CDH13: variants seen among roughly 807,000 people sequenced by gnomAD.
The protein encoded by CDH13 is cadherin-13.
A neutral mutation model predicts 63.8 loss-of-function variants in CDH13; 24 were observed. That is an observed-to-expected ratio of 0.38 (90% confidence interval 0.27 to 0.53). The LOEUF (loss-of-function observed/expected upper bound fraction) is 0.53. Among genes scored for constraint, CDH13 ranks in the 20% least tolerant of loss-of-function variants. The pLI is 0.85. For missense variants in CDH13, 1,049 were observed against 903.1 expected (o/e 1.16, Z -2.07); for synonymous variants, 503 against 355.3 (o/e 1.42, Z -4.67).
rs372117106 is a variant in CDH13 at position 82,656,052 on chromosome 16, G to A, written c.45+28915G>A. Among the ~76,000 whole-genome samples the A allele has an allele frequency of 2.8e-4, 43 of 152,170 alleles. 2 individuals carry two copies. The highest frequency in any genetic ancestry group is 2.1e-3 in the East Asian group (11 of 5,190). On this transcript the variant is annotated intron_variant, in intron 1 of 13. Coordinates refer to ENST00000567109, the MANE Select transcript of CDH13 (RefSeq NM_001257.5). ...GTGCAAGGCAGAAAATGCTGGTCTA[G>A]CAAAAGGAACTCTGATTTCGATTTG...
intron 6 of CDH13, among the ~76,000 whole-genome samples, chr16:83,393,441 G>T (rs1020015111): frequency 6.6e-6 from 1 of 152,130 alleles, no homozygotes; most frequent in African/African-American, 2.4e-5. Flanking sequence ...GGAGAAGCCA[G>T]CCCAGAATTT....
intron 7 of CDH13, among the ~76,000 whole-genome samples, chr16:83,575,209 T>C (rs561852422): frequency 1.2e-4 from 19 of 152,334 alleles, no homozygotes; most frequent in Middle Eastern, 3.4e-3. Context: ...GATGAAAATG[T>C]TCTAAAATCA....
chr16:83,494,054 A>G (rs1294235996), intron 7 of CDH13, among the ~76,000 whole-genome samples: 2 of 152,206 alleles, frequency 1.3e-5, no homozygotes, highest in Non-Finnish European at 2.9e-5. Flanking sequence ...TACTGGGCAC[A>G]TGTTGAATCA....
chr16:82,716,433 C>T (rs12930688), intron 1 of CDH13, among the ~76,000 whole-genome samples: 1 of 151,640 alleles, frequency 6.6e-6, no homozygotes, highest in African/African-American at 2.4e-5. Context: ...TGTAACACAT[C>T]TGCTAAATTT....
At chr16:83,567,396 A>G (rs1462974441) in intron 7 of CDH13, among the ~76,000 whole-genome samples, 2 of 152,192 alleles carry the variant, frequency 1.3e-5, no homozygotes, top group Non-Finnish European at 2.9e-5. Context: ...GTACCTGTAA[A>G]ATTGCAAATA....
intron 2 of CDH13, among the ~76,000 whole-genome samples, chr16:82,941,819 T>C (rs533057732): frequency 2.2e-4 from 33 of 152,212 alleles, no homozygotes; most frequent in Non-Finnish European, 4.1e-4. Context: ...TGCTCCCTCA[T>C]TGAGTTCCAG....
chr16:82,871,232 C>G (rs904300724), intron 2 of CDH13, among the ~76,000 whole-genome samples: 101 of 152,182 alleles, frequency 6.6e-4, no homozygotes, highest in Non-Finnish European at 5.1e-4. Flanking sequence ...ATTGTTGATA[C>G]AGGTAATGTA....
At chr16:83,071,460 C>T (rs764669392) in intron 3 of CDH13, among the ~76,000 whole-genome samples, 1 of 152,172 alleles carries the variant, frequency 6.6e-6, no homozygotes, top group Non-Finnish European at 1.5e-5. Context: ...AGAGCTCCTC[C>T]AAGCCTTGGT....
intron 1 of CDH13, among the ~76,000 whole-genome samples, chr16:82,673,711 A>G (rs1442082435): frequency 1.3e-5 from 2 of 152,230 alleles, no homozygotes; most frequent in African/African-American, 4.8e-5. Context: ...TTAAACCTGT[A>G]TATGTTGAGG....
intron 10 of CDH13, among the ~76,000 whole-genome samples, chr16:83,725,300 C>T (rs1461124777): frequency 3.9e-5 from 6 of 152,176 alleles, no homozygotes; most frequent in Non-Finnish European, 7.4e-5. Flanking sequence ...AGGACTGCAA[C>T]GGGTCTTGTG....
At chr16:83,220,905 T>G (rs1214771426) in intron 5 of CDH13, among the ~76,000 whole-genome samples, 1 of 152,258 alleles carries the variant, frequency 6.6e-6, no homozygotes, top group Non-Finnish European at 1.5e-5. Context: ...TTGAAGCTCC[T>G]GTTTATTGAA....
rs188663314 is a variant in CDH13 at position 82,980,392 on chromosome 16, G to A, written c.158-51618G>A. 8.8e-4 allele frequency among the ~76,000 whole-genome samples: 134 copies of A among 152,342 alleles called. 1 individual carries two copies. Among genetic ancestry groups the A allele is most frequent in the Non-Finnish European group, 1.8e-3 (122 of 68,032 alleles). Reference sequence around the variant, plus strand: ...CCAAAGAAAGGTGGTGAAGGGAGGAGCTGGGTAAACAGAAGCTATCCAGCC... The same window carrying A: ...CCAAAGAAAGGTGGTGAAGGGAGGAACTGGGTAAACAGAAGCTATCCAGCC... On this transcript the variant is annotated intron_variant, in intron 2 of 13. Coordinates refer to ENST00000567109, the MANE Select transcript of CDH13 (RefSeq NM_001257.5).
intron 2 of CDH13, among the ~76,000 whole-genome samples, chr16:83,004,887 T>A (rs934481446): frequency 6.6e-6 from 1 of 152,232 alleles, no homozygotes; most frequent in African/African-American, 2.4e-5. Flanking sequence ...GTAGCATGGA[T>A]GGAGATGGCA....
At chr16:83,618,442 A>G (rs924619936) in intron 8 of CDH13, among the ~76,000 whole-genome samples, 1 of 151,894 alleles carries the variant, frequency 6.6e-6, no homozygotes, top group Non-Finnish European at 1.5e-5. Flanking sequence ...AAAGAAAAAG[A>G]AAAGCACTAG....
chr16:83,484,665 C>G (rs1416259376), intron 6 of CDH13, among the ~76,000 whole-genome samples: 2 of 152,260 alleles, frequency 1.3e-5, no homozygotes, highest in Non-Finnish European at 2.9e-5. Flanking sequence ...AATCCCCTCT[C>G]TTCTTCTCCA....
chr16:82,918,739 C>T (rs966541129), intron 2 of CDH13, among the ~76,000 whole-genome samples: 1 of 152,044 alleles, frequency 6.6e-6, no homozygotes, highest in East Asian at 1.9e-4. Context: ...GAATTCCTGA[C>T]CTCAGGTGAT....
chr16:83,769,957 C>A (rs970676513), intron 11 of CDH13, among the ~76,000 whole-genome samples: 3 of 152,122 alleles, frequency 2.0e-5, no homozygotes, highest in Admixed American at 6.5e-5. Flanking sequence ...GGTACATGAC[C>A]TACTGCAACA....
chr16:82,927,615 T>C (rs1457687084), intron 2 of CDH13, among the ~76,000 whole-genome samples: 1 of 152,222 alleles, frequency 6.6e-6, no homozygotes, highest in Non-Finnish European at 1.5e-5. Flanking sequence ...CTAGAAACTG[T>C]TCCTCAAGAA....
chr16:83,217,776 C>A (rs2039585727), intron 5 of CDH13, among the ~76,000 whole-genome samples: 1 of 152,090 alleles, frequency 6.6e-6, no homozygotes, highest in African/African-American at 2.4e-5. Flanking sequence ...AGGTCAGAAC[C>A]CTTAGGGCAA....
Sources: allele counts gnomAD v4.1 joint callset (sites outside exome capture counted in the v4.1 genomes callset), GRCh38; gene constraint gnomAD v4.1.1; transcripts MANE v1.5; gene names NCBI Gene and HGNC (gene_info 2026-07-23, HGNC 2026-07-21).